The following THSD7B variants were observed in gnomAD, a reference collection of about 807,000 sequenced individuals.
THSD7B encodes thrombospondin type 1 domain containing 7B, also known as thrombospondin type-1 domain-containing protein 7B.
A neutral mutation model predicts 213.6 loss-of-function variants in THSD7B; 138 were observed. That is an observed-to-expected ratio of 0.65 (90% confidence interval 0.56 to 0.74). The LOEUF (loss-of-function observed/expected upper bound fraction) is 0.74. THSD7B is among the 30% of genes least tolerant of loss of function. The probability of loss-of-function intolerance (pLI) is 0.00; values close to 1 mark genes in which losing one functional copy is unlikely to be tolerated. For missense variants in THSD7B, 1,931 were observed against 1,991.5 expected (o/e 0.97, Z 0.58); for synonymous variants, 742 against 687.0 (o/e 1.08, Z -1.25).
At position 137,433,763 on chromosome 2, in the gene THSD7B, A is replaced by G. The variant is rs115465577; in HGVS notation, c.2960-17082A>G. Among the ~76,000 whole-genome samples, 342 of 152,194 alleles carry G rather than the reference A, an allele frequency of 2.2e-3. 2 individuals are homozygous for G. Among genetic ancestry groups the G allele is most frequent in the African/African-American group, 7.9e-3 (327 of 41,548 alleles). On this transcript the variant is annotated intron_variant, in intron 14 of 27. Transcript: ENST00000409968. ...ATTTACATTAAAATAAATAAAATGT[A>G]TACTTTATATAATACCTATTGATGC...
chr2:136,954,740 T>TAAAAAAA (rs773677139), intron 2 of THSD7B, among the ~76,000 whole-genome samples: 14 of 137,490 alleles, frequency 1.0e-4, no homozygotes, highest in East Asian at 4.3e-4. Flanking sequence ...AAAAAGAAAT[T>TAAAAAAA]ACATAAGAGC....
At chr2:136,883,025 C>T (rs1467613178) in intron 2 of THSD7B, among the ~76,000 whole-genome samples, 1 of 152,136 alleles carries the variant, frequency 6.6e-6, no homozygotes, top group African/African-American at 2.4e-5. Flanking sequence ...CTTTGTATTA[C>T]TGATGCTTTT....
intron 4 of THSD7B, among the ~76,000 whole-genome samples, chr2:137,111,446 A>G (rs188714195): frequency 6.6e-5 from 10 of 152,146 alleles, no homozygotes; most frequent in Non-Finnish European, 1.3e-4. Context: ...TTATGAAGAT[A>G]TGCTTTAGAA....
At chr2:137,031,711 A>C (rs991159727) in intron 2 of THSD7B, among the ~76,000 whole-genome samples, 3 of 152,250 alleles carry the variant, frequency 2.0e-5, no homozygotes, top group Non-Finnish European at 4.4e-5. Context: ...ACAGTAACAA[A>C]ATATATTCAA....
chr2:137,398,807 A>G (rs1426655655), intron 12 of THSD7B, among the ~76,000 whole-genome samples: 2 of 152,194 alleles, frequency 1.3e-5, no homozygotes, highest in Non-Finnish European at 2.9e-5. Flanking sequence ...TGTGCTAGCA[A>G]TCAGCGAGAT....
intron 2 of THSD7B, among the ~76,000 whole-genome samples, chr2:136,981,705 A>G (rs1444865935): frequency 6.6e-6 from 1 of 152,130 alleles, no homozygotes; most frequent in African/African-American, 2.4e-5. Context: ...TTTCCTCTTT[A>G]TCATCAACTT....
Position 137,321,384 on chromosome 2 carries a change from G to T in THSD7B, c.2500+45358G>T, listed in dbSNP as rs997745399. On this transcript the variant is annotated intron_variant, in intron 12 of 27. Coordinates refer to ENST00000409968, the MANE Select transcript of THSD7B (RefSeq NM_001316349.2). The stretch of plus-strand genomic sequence containing the variant: ...TTAATTAATAGTTGTTCAGCCTTGT[G>T]CTTTGTATATGAAAGTCACGCACAT... 3.9e-5 allele frequency among the ~76,000 whole-genome samples: 6 copies of T among 152,306 alleles called. No homozygotes were observed. The East Asian group carries it at 1.2e-3, about 29-fold the overall frequency.
At chr2:136,793,156 G>A (rs1163274169) in intron 1 of THSD7B, among the ~76,000 whole-genome samples, 1 of 152,004 alleles carries the variant, frequency 6.6e-6, no homozygotes, top group Non-Finnish European at 1.5e-5. Flanking sequence ...AGAAACTGCT[G>A]AATTCTTTAC....
chr2:137,034,285 T>C (rs1240601555), intron 2 of THSD7B, among the ~76,000 whole-genome samples: 1 of 152,120 alleles, frequency 6.6e-6, no homozygotes, highest in Admixed American at 6.5e-5. Flanking sequence ...TTTGTATTTT[T>C]AGTAGAGACG....
At chr2:137,598,723 A>G (rs1281758459) in intron 17 of THSD7B, among the ~76,000 whole-genome samples, 1 of 152,182 alleles carries the variant, frequency 6.6e-6, no homozygotes, top group Non-Finnish European at 1.5e-5. Flanking sequence ...CTTGAATAGC[A>G]TTTATAGATT....
intron 2 of THSD7B, among the ~76,000 whole-genome samples, chr2:136,970,490 TAAATG>T (rs1685388159): frequency 6.7e-6 from 1 of 150,066 alleles, no homozygotes; most frequent in East Asian, 2.0e-4. Flanking sequence ...AATAAATAAA[TAAATG>T]AAAAAGAAAA....
intron 12 of THSD7B, among the ~76,000 whole-genome samples, chr2:137,394,643 G>A (rs866082138): frequency 5.1e-5 from 7 of 137,898 alleles, no homozygotes; most frequent in South Asian, 2.5e-4. Flanking sequence ...TTGGCGATGC[G>A]GGCTCTTTTT....
chr2:137,268,150 T>C (rs1026807739), intron 10 of THSD7B, among the ~76,000 whole-genome samples: 7 of 142,604 alleles, frequency 4.9e-5, no homozygotes, highest in Non-Finnish European at 9.4e-5. Flanking sequence ...GGATTCTTTA[T>C]TTTATTTTAT....
At chr2:137,299,341 C>T (rs1010854891) in intron 12 of THSD7B, among the ~76,000 whole-genome samples, 11 of 152,088 alleles carry the variant, frequency 7.2e-5, no homozygotes, top group Admixed American at 5.9e-4. Context: ...TTTACTGGCT[C>T]ATAGGCAGAA....
chr2:137,038,264 T>C (rs971954992), intron 2 of THSD7B, among the ~76,000 whole-genome samples: 5 of 152,230 alleles, frequency 3.3e-5, no homozygotes, highest in Middle Eastern at 3.4e-3. Flanking sequence ...CTTGAAGAGA[T>C]TTTTTAAAAC....
chr2:137,159,403 G>C (rs1444745069), intron 5 of THSD7B, among the ~76,000 whole-genome samples: 1 of 151,692 alleles, frequency 6.6e-6, no homozygotes, highest in Non-Finnish European at 1.5e-5. Flanking sequence ...ACTCCAGCCT[G>C]GGTGACAGGG....
intron 12 of THSD7B, among the ~76,000 whole-genome samples, chr2:137,368,741 G>A (rs1685476937): frequency 2.0e-5 from 3 of 152,060 alleles, no homozygotes; most frequent in African/African-American, 7.2e-5. Context: ...AACCTATGAG[G>A]TAAAAGACTG....
intron 25 of THSD7B, among the ~76,000 whole-genome samples, chr2:137,663,092 A>G (rs1475038915): frequency 2.6e-5 from 4 of 151,610 alleles, no homozygotes; most frequent in African/African-American, 9.7e-5. Flanking sequence ...AAAAAGAGAG[A>G]GGAAAAGCAT....
chr2:136,841,910 T>G (rs1682926439), intron 1 of THSD7B, among the ~76,000 whole-genome samples: 1 of 152,136 alleles, frequency 6.6e-6, no homozygotes, highest in Non-Finnish European at 1.5e-5. Context: ...ACCAAACTTT[T>G]CTTAATTATT....
Sources: gnomAD v4.1 joint callset for allele counts (sites outside exome capture counted in the v4.1 genomes callset) on GRCh38, gnomAD v4.1.1 for gene constraint, MANE v1.5 for transcripts, NCBI Gene and HGNC (gene_info 2026-07-23, HGNC 2026-07-21) for gene names.